MCU: variants seen among roughly 807,000 people sequenced by gnomAD.
The protein encoded by MCU is calcium uniporter protein, mitochondrial.
MCU carries 12 observed loss-of-function variants against 45.2 expected under a neutral mutation model. That is an observed-to-expected ratio of 0.27 (90% CI 0.17 to 0.43). MCU has a LOEUF of 0.43. MCU is among the 20% of genes least tolerant of loss of function. MCU has a pLI of 1.00. For synonymous variants in MCU, 160 were observed against 165.1 expected (o/e 0.97, Z 0.24); for missense variants, 324 against 436.7 (o/e 0.74, Z 2.30).
intron 1 of MCU, among the ~76,000 whole-genome samples, chr10:72,781,831 T>A (rs578046045): frequency 3.9e-5 from 6 of 152,340 alleles, no homozygotes; most frequent in Admixed American, 2.0e-4. Flanking sequence ...AAAGGAATAA[T>A]GATCTTGGAA....
At chr10:72,814,586 C>G (rs1225361974) in intron 1 of MCU, among the ~76,000 whole-genome samples, 2 of 151,964 alleles carry the variant, frequency 1.3e-5, no homozygotes, top group Non-Finnish European at 2.9e-5. Context: ...AAAAGAAGTC[C>G]ATTATTAGTG....
At chr10:72,809,929 C>A (rs1844512015) in intron 1 of MCU, among the ~76,000 whole-genome samples, 1 of 151,998 alleles carries the variant, frequency 6.6e-6, no homozygotes, top group East Asian at 1.9e-4. Context: ...TCAAATGTTT[C>A]CAAGAAGGCA....
chr10:72,812,394 C>G (rs1325352023), intron 1 of MCU, among the ~76,000 whole-genome samples: 1 of 152,202 alleles, frequency 6.6e-6, no homozygotes, highest in Non-Finnish European at 1.5e-5. Flanking sequence ...GATCCGCCCG[C>G]CTCGGCTTCC....
intron 1 of MCU, among the ~76,000 whole-genome samples, chr10:72,704,497 G>C (rs1842794656): frequency 6.6e-6 from 1 of 151,276 alleles, no homozygotes; most frequent in Non-Finnish European, 1.5e-5. Context: ...TTTAAATTTT[G>C]ACCTGATTTA....
chr10:72,879,702 G>A (rs184384301), intron 6 of MCU, among the ~76,000 whole-genome samples: 1 of 152,232 alleles, frequency 6.6e-6, no homozygotes, highest in African/African-American at 2.4e-5. Flanking sequence ...AATATTAAAT[G>A]TATAAACAAT....
At chr10:72,788,749 C>A (rs780702736) in intron 1 of MCU, among the ~76,000 whole-genome samples, 21 of 152,212 alleles carry the variant, frequency 1.4e-4, no homozygotes, top group Non-Finnish European at 2.5e-4. Context: ...AGGAAAATGT[C>A]TTTTTAGAAA....
intron 1 of MCU, among the ~76,000 whole-genome samples, chr10:72,800,918 G>A (rs1250628905): frequency 6.6e-6 from 1 of 152,120 alleles, no homozygotes; most frequent in Non-Finnish European, 1.5e-5. Flanking sequence ...GGGCAACATA[G>A]CAAGACCCTG....
chr10:72,812,084 C>CT (rs34921881), intron 1 of MCU, among the ~76,000 whole-genome samples: 29 of 148,782 alleles, frequency 1.9e-4, no homozygotes, highest in South Asian at 8.6e-4. Context: ...GTTTATAGTG[C>CT]TTTTTTTTTT....
At chr10:72,776,283 C>A (rs1373277089) in intron 1 of MCU, among the ~76,000 whole-genome samples, 1 of 152,072 alleles carries the variant, frequency 6.6e-6, no homozygotes, top group Non-Finnish European at 1.5e-5. Flanking sequence ...AAGTACAGGC[C>A]AGTATTATTG....
At chr10:72,839,401 C>A (rs1845012412) in intron 2 of MCU, among the ~76,000 whole-genome samples, 1 of 152,032 alleles carries the variant, frequency 6.6e-6, no homozygotes, top group South Asian at 2.1e-4. Context: ...CCCCAGGTAA[C>A]CACTAATTTG....
At chr10:72,785,086 G>A (rs1327595378) in intron 1 of MCU, among the ~76,000 whole-genome samples, 1 of 152,084 alleles carries the variant, frequency 6.6e-6, no homozygotes, top group Non-Finnish European at 1.5e-5. Flanking sequence ...TAGATATTTA[G>A]CATACAGATG....
At chr10:72,808,077 C>T (rs887545284) in intron 1 of MCU, among the ~76,000 whole-genome samples, 2 of 152,118 alleles carry the variant, frequency 1.3e-5, no homozygotes, top group Admixed American at 6.5e-5. Flanking sequence ...GAAGAATAAC[C>T]TGAATTTAAA....
intron 1 of MCU, among the ~76,000 whole-genome samples, chr10:72,775,708 A>T (rs1365825603): frequency 1.6e-4 from 24 of 152,232 alleles, no homozygotes; most frequent in Admixed American, 1.5e-3. Flanking sequence ...AACCTCAGAC[A>T]TACAAAGAAT....
At chr10:72,789,530 A>G (rs2132762606) in intron 1 of MCU, among the ~76,000 whole-genome samples, 1 of 152,240 alleles carries the variant, frequency 6.6e-6, no homozygotes, top group Admixed American at 6.5e-5. Context: ...TCTTGAATCA[A>G]CTTGCTTCAA....
intron 1 of MCU, among the ~76,000 whole-genome samples, chr10:72,771,905 A>G (rs1843814483): frequency 6.6e-6 from 1 of 152,144 alleles, no homozygotes; most frequent in Non-Finnish European, 1.5e-5. Flanking sequence ...AGACTTCCAC[A>G]TCTTCATTGC....
chr10:72,741,275 ATT>A (rs1040436429), intron 1 of MCU, among the ~76,000 whole-genome samples: 11 of 151,626 alleles, frequency 7.3e-5, no homozygotes, highest in Non-Finnish European at 1.5e-5. Context: ...AATTTTTTGT[ATT>A]TTTAATAGAG....
In MCU at chr10:72,710,439, G is replaced by T. The variant is rs1359447304; in HGVS notation, c.150+18138G>T. Among the ~76,000 whole-genome samples, 4 of 151,414 alleles carry T rather than the reference G, an allele frequency of 2.6e-5. No individual in the cohort carries two copies. The East Asian group carries it at 7.7e-4, about 29-fold the overall frequency. ...GGATCCGAAGGTCACATCACAGCCA[G>T]CATTAGACAGTCATAGCACTAGTGG... On this transcript the variant is annotated intron_variant, in intron 1 of 7. Coordinates refer to ENST00000373053, the MANE Select transcript of MCU (RefSeq NM_138357.3).
chr10:72,742,822 C>G (rs918258161), intron 1 of MCU, among the ~76,000 whole-genome samples: 3 of 152,062 alleles, frequency 2.0e-5, no homozygotes, highest in Admixed American at 6.6e-5. Context: ...AAGTCTTTCT[C>G]CTGAAGATGT....
chr10:72,859,483 T>C, intron 3 of MCU, 136 bp downstream of exon 3: 1 of 678,234 alleles, frequency 1.5e-6, no homozygotes, highest in South Asian at 2.5e-5. Context: ...TTTCTTTTGC[T>C]TAGCACTTAC....
Sources: gnomAD v4.1 joint callset for allele counts (sites outside exome capture counted in the v4.1 genomes callset) on GRCh38, gnomAD v4.1.1 for gene constraint, MANE v1.5 for transcripts, NCBI Gene and HGNC (gene_info 2026-07-23, HGNC 2026-07-21) for gene names.